ACACB: variants seen among roughly 807,000 people sequenced by gnomAD.
The protein encoded by ACACB is acetyl-CoA carboxylase 2.
A neutral mutation model predicts 278.8 loss-of-function variants in ACACB; 209 were observed. The observed-to-expected ratio is 0.75, with a 90% CI of 0.67 to 0.84. The LOEUF is 0.84. Ranked by LOEUF, ACACB falls within the 40% of genes least tolerant of loss-of-function variation. The pLI, the probability that ACACB is intolerant of heterozygous loss-of-function variation, is 0.00. For missense variants in ACACB, 2,850 were observed against 3,269.0 expected (o/e 0.87, Z 3.13); for synonymous variants, 1,174 against 1,285.6 (o/e 0.91, Z 1.86).
At chr12:109,124,752 T>C (rs2042636643) in intron 1 of ACACB, among the ~76,000 whole-genome samples, 1 of 152,226 alleles carries the variant, frequency 6.6e-6, no homozygotes, top group South Asian at 2.1e-4. Context: ...TCTCTCTCTG[T>C]CATCCAGGCT....
chr12:109,171,864 T>A lies in ACACB; in HGVS notation c.985T>A (p.Tyr329Asn). ...PVPGGPNNNN[Y>N]ANVELIVDIA... ...CCCAGGAGGGCCCAATAACAACAAC[T>A]ATGCCAACGTGGAGCTGATTGTGGA... Residue 329 changes from tyrosine to asparagine, a missense_variant, in exon 5 of 53, where the codon TAT becomes AAT. Transcript: ENST00000338432. 6.2e-7 allele frequency: 1 copy of A among 1,614,078 alleles called. No individual in the cohort carries two copies. Among genetic ancestry groups the A allele is most frequent in the Non-Finnish European group, 8.5e-7 (1 of 1,179,988 alleles).
rs2045682051 is a variant in ACACB at position 109,210,077 on chromosome 12, A to ATGTG, written c.3249+725_3249+726insGTGT. ...CACACACGTGTGTATATATGTGTAT[A>ATGTG]TATGTATATATACACACATGTGTGT... On this transcript the variant is annotated intron_variant, in intron 21 of 52. Coordinates refer to ENST00000338432, the MANE Select transcript of ACACB (RefSeq NM_001093.4). Among the ~76,000 whole-genome samples, 5 of 128,154 alleles carry ATGTG rather than the reference A, an allele frequency of 3.9e-5. 2 individuals are homozygous for ATGTG. The highest frequency in any genetic ancestry group is 6.1e-5 in the African/African-American group (2 of 32,716). 84.1% of individuals were successfully genotyped at this position (128,154 alleles called of 152,430 possible).
chr12:109,228,335 CAAAAA>C (rs565975318), intron 28 of ACACB, among the ~76,000 whole-genome samples: 1 of 126,042 alleles, frequency 7.9e-6, no homozygotes, highest in Non-Finnish European at 1.7e-5. Flanking sequence ...GAGTCCATCT[CAAAAA>C]AAAAAAAGAG....
intron 46 of ACACB, among the ~76,000 whole-genome samples, chr12:109,258,718 T>C (rs1483807413): frequency 6.6e-6 from 1 of 152,138 alleles, no homozygotes; most frequent in Non-Finnish European, 1.5e-5. Context: ...CCCAACTCAG[T>C]GTGACCTTGA....
intron 1 of ACACB, among the ~76,000 whole-genome samples, chr12:109,121,405 T>G (rs1002928889): frequency 1.3e-5 from 2 of 152,188 alleles, no homozygotes; most frequent in African/African-American, 4.8e-5. Context: ...TCTGTGCCCC[T>G]CTGGGTTTTA....
At chr12:109,174,371 A>C in intron 7 of ACACB, 141 bp downstream of exon 7, 1 of 646,340 alleles carries the variant, frequency 1.5e-6, no homozygotes, top group Non-Finnish European at 2.5e-6. Context: ...TCATTAGCAA[A>C]ATATTTTAAA....
chr12:109,257,143 A>G (rs1267793763), intron 45 of ACACB, among the ~76,000 whole-genome samples: 3 of 152,012 alleles, frequency 2.0e-5, no homozygotes, highest in Non-Finnish European at 2.9e-5. Context: ...GCGTGGTGGC[A>G]GGCACCTGTA....
Position 109,202,776 on chromosome 12 carries a change from G to T in ACACB, c.2913+1075G>T, listed in dbSNP as rs991153287. Reference sequence around the variant, plus strand: ...AATTTAACTATTATTGCAATAATATGGTCCATTTGTCACATTTAATGAACC... The same window carrying T: ...AATTTAACTATTATTGCAATAATATTGTCCATTTGTCACATTTAATGAACC... On this transcript the variant is annotated intron_variant, in intron 19 of 52. Coordinates refer to ENST00000338432, the MANE Select transcript of ACACB (RefSeq NM_001093.4). 2.3e-4 allele frequency among the ~76,000 whole-genome samples: 35 copies of T among 152,000 alleles called. 1 individual carries two copies. In the South Asian group the frequency reaches 4.0e-3, roughly 17 times the overall value.
At chr12:109,140,554 G>T (rs2049631913) in intron 2 of ACACB, among the ~76,000 whole-genome samples, 1 of 152,190 alleles carries the variant, frequency 6.6e-6, no homozygotes. Flanking sequence ...CTGCTTGGAA[G>T]GCTGAGGCGG....
intron 10 of ACACB, among the ~76,000 whole-genome samples, chr12:109,179,532 G>A (rs771609194): frequency 3.3e-5 from 5 of 152,094 alleles, no homozygotes; most frequent in Non-Finnish European, 7.4e-5. Context: ...TGTTGCCCAC[G>A]CTGGAGTGCA....
chr12:109,247,212 C>T (rs1476488209), intron 39 of ACACB, among the ~76,000 whole-genome samples: 1 of 151,844 alleles, frequency 6.6e-6, no homozygotes, highest in African/African-American at 2.4e-5. Context: ...CCATTCAGAG[C>T]ATGCATTCTC....
intron 34 of ACACB, among the ~76,000 whole-genome samples, chr12:109,238,048 A>G (rs954928666): frequency 4.0e-5 from 6 of 151,148 alleles, no homozygotes. Flanking sequence ...AACAGAAGTA[A>G]TCCATGATTA....
At chr12:109,195,494 G>A (rs2045090245) in intron 16 of ACACB, among the ~76,000 whole-genome samples, 1 of 152,118 alleles carries the variant, frequency 6.6e-6, no homozygotes, top group South Asian at 2.1e-4. Context: ...GATTTTAAAT[G>A]TCACATATGC....
At chr12:109,187,947 T>C in intron 12 of ACACB, 52 bp from the exon 13 acceptor site, 1 of 1,562,728 alleles carries the variant, frequency 6.4e-7, no homozygotes, top group Non-Finnish European at 8.7e-7. Context: ...CTGATGAAAA[T>C]ATATCTGGAG....
At chr12:109,170,611 A>G (rs1214526505) in intron 4 of ACACB, among the ~76,000 whole-genome samples, 1 of 152,094 alleles carries the variant, frequency 6.6e-6, no homozygotes, top group Non-Finnish European at 1.5e-5. Context: ...TGCAATTCAT[A>G]GAGAGAGAGA....
rs2044630417 is a variant in ACACB, at chr12:109,185,646, G to C, written c.1886G>C (p.Gly629Ala). Residue 629 changes from glycine to alanine, a missense_variant, in exon 12 of 53, where the codon GGA becomes GCA. Coordinates refer to ENST00000338432, the MANE Select transcript of ACACB (RefSeq NM_001093.4). ...IRLLYGESPW[G>A]VTPISFETPS... The stretch of plus-strand genomic sequence containing the variant: ...CTTCTGTATGGAGAGTCACCATGGG[G>C]AGTGACTCCCATTTCTTTTGAAACC... 4 of 1,613,720 alleles carry C rather than the reference G, an allele frequency of 2.5e-6. No homozygotes were observed. The Admixed American group carries it at 6.7e-5, about 27-fold the overall frequency.
In ACACB at chr12:109,134,220, C is replaced by T. The variant is rs554345517; in HGVS notation, c.-9-5177C>T. On this transcript the variant is annotated intron_variant, in intron 1 of 52. Coordinates refer to ENST00000338432, the MANE Select transcript of ACACB (RefSeq NM_001093.4). ...AACAGACAACCGAACAAGCCACTTC[C>T]ATGCCATGTTTTCTGTGTCATCATG... 2.0e-5 allele frequency among the ~76,000 whole-genome samples: 3 copies of T among 152,318 alleles called. No homozygotes were observed. The East Asian group carries it at 5.8e-4, about 29-fold the overall frequency.
At chr12:109,260,981 A>C (rs1465355078) in intron 48 of ACACB, among the ~76,000 whole-genome samples, 1 of 152,242 alleles carries the variant, frequency 6.6e-6, no homozygotes, top group African/African-American at 2.4e-5. Context: ...AGGGTCTAGC[A>C]CAGTGCCTTA....
intron 45 of ACACB, among the ~76,000 whole-genome samples, chr12:109,257,187 T>A (rs538678801): frequency 6.0e-4 from 92 of 152,196 alleles, no homozygotes; most frequent in Admixed American, 2.4e-3. Context: ...AGCAGCAGAA[T>A]TGCTTGAACC....
Sources: gnomAD v4.1 joint callset for allele counts (sites outside exome capture counted in the v4.1 genomes callset) on GRCh38, gnomAD v4.1.1 for gene constraint, MANE v1.5 for transcripts, NCBI Gene and HGNC (gene_info 2026-07-23, HGNC 2026-07-21) for gene names.